SMCHD1: variants seen among roughly 807,000 people sequenced by gnomAD.
SMCHD1 encodes structural maintenance of chromosomes flexible hinge domain-containing protein 1.
Under a neutral mutation model 254.7 loss-of-function variants are expected in SMCHD1, and 78 were observed. The ratio of observed to expected loss-of-function variants is 0.31; its 90% CI spans 0.26 to 0.37. SMCHD1 has a LOEUF of 0.37. Ranked by LOEUF, SMCHD1 falls within the 10% of genes least tolerant of loss-of-function variation. SMCHD1 has a pLI of 1.00. For synonymous variants in SMCHD1, 766 were observed against 794.9 expected (o/e 0.96, Z 0.61); for missense variants, 1,840 against 2,408.1 (o/e 0.76, Z 4.94).
In SMCHD1 at chr18:2,752,472, C is replaced by T. The variant is rs746082747; in HGVS notation, c.4282-16C>T. ...TCATTTTCCCCTCTCCCCTTCTCTC[C>T]TACTCCCCTTTCTAGGCAGAAACAT... On this transcript the variant is annotated splice_polypyrimidine_tract_variant and intron_variant, in intron 33 of 47. Transcript: ENST00000320876. 8.9e-6 allele frequency: 14 copies of T among 1,581,490 alleles called. No individual in the cohort carries two copies. Among genetic ancestry groups the T allele is most frequent in the South Asian group, 4.4e-5 (4 of 90,206 alleles).
At chr18:2,762,765 G>T (rs1025604292) in intron 36 of SMCHD1, among the ~76,000 whole-genome samples, 3 of 152,146 alleles carry the variant, frequency 2.0e-5, no homozygotes, top group East Asian at 3.8e-4. Context: ...TGGGATTACA[G>T]CTGTGAACCA....
At position 2,750,478 on chromosome 18, in the gene SMCHD1, C is replaced by T. The variant is rs769623229; in HGVS notation, c.4136C>T (p.Ala1379Val). Residue 1379 changes from alanine to valine, a missense_variant, in exon 32 of 48, where the codon GCA becomes GTA. Ala to Val is a moderately conservative substitution (Grantham distance 64). This residue lies in a region of SMCHD1 where 881 missense variants were observed against 1,009.5 expected (regional missense o/e 0.87). Transcript: ENST00000320876. The stretch of plus-strand genomic sequence containing the variant: ...CTCAATGTTAAATATGACAAAGATG[C>T]ATCCTTCTTAGCAGGGGGTCTTTTC... The part of the protein sequence containing the change: ...VRLNVKYDKD[A>V]SFLAGGLFTD... 2.0e-5 allele frequency: 32 copies of T among 1,608,270 alleles called. No homozygotes were observed. The Admixed American group carries it at 2.9e-4, about 14-fold the overall frequency.
At chr18:2,761,691 A>G (rs4798026) in intron 35 of SMCHD1, among the ~76,000 whole-genome samples, 45,264 of 151,916 alleles carry the variant, frequency 0.3, 6,945 homozygotes, top group East Asian at 0.5. Flanking sequence ...GTGGGCGCAC[A>G]CCTGTAGTCC....
chr18:2,785,644 T>A (rs2076226403), intron 45 of SMCHD1, among the ~76,000 whole-genome samples: 3 of 5,226 alleles, frequency 5.7e-4, no homozygotes, highest in Non-Finnish European at 2.4e-3. Context: ...AGAGACTCTG[T>A]CTCAAAAAAA....
At chr18:2,794,389 C>T (rs1209469977) in intron 45 of SMCHD1, among the ~76,000 whole-genome samples, 3 of 152,042 alleles carry the variant, frequency 2.0e-5, no homozygotes, top group East Asian at 1.9e-4. Context: ...GCCTGTAATC[C>T]GAGCTATTCA....
In SMCHD1 at chr18:2,750,429, C is replaced by G. The variant is rs367680898; in HGVS notation, c.4087C>G (p.Pro1363Ala). Reference sequence around the variant, plus strand: ...ACCTATAATTAAGTTAATGATTCTTCCAGACCCAGAAAAACCCGTTCGTCT... The same window carrying G: ...ACCTATAATTAAGTTAATGATTCTTGCAGACCCAGAAAAACCCGTTCGTCT... ...EGPIIKLMIL[P>A]DPEKPVRLNV... Residue 1363 changes from proline to alanine, a missense_variant, in exon 32 of 48, where the codon CCA becomes GCA. Around this residue, in one of 9 missense-constraint regions of SMCHD1, gnomAD observed 881 missense variants for 1,009.5 expected, o/e 0.87. Transcript: ENST00000320876. The G allele has an allele frequency of 3.1e-6, 5 of 1,611,824 alleles. No individual in the cohort carries two copies. Among genetic ancestry groups the G allele is most frequent in the Non-Finnish European group, 3.4e-6 (4 of 1,178,734 alleles).
chr18:2,713,049 A>G (rs1376103532), intron 17 of SMCHD1, among the ~76,000 whole-genome samples: 1 of 152,156 alleles, frequency 6.6e-6, no homozygotes, highest in African/African-American at 2.4e-5. Flanking sequence ...GGGGTGACAA[A>G]CTATTTGGAA....
chr18:2,747,026 G>A (rs1428561324), intron 29 of SMCHD1, among the ~76,000 whole-genome samples: 2 of 152,120 alleles, frequency 1.3e-5, no homozygotes, highest in African/African-American at 4.8e-5. Context: ...ATGCACAATA[G>A]CAGAGAGCTG....
At chr18:2,688,859 C>G in intron 7 of SMCHD1, 112 bp downstream of exon 7, 1 of 644,946 alleles carries the variant, frequency 1.6e-6, no homozygotes, top group South Asian at 4.4e-5. Flanking sequence ...TTCCTTTAGT[C>G]ATAATAACAA....
intron 25 of SMCHD1, among the ~76,000 whole-genome samples, chr18:2,734,622 T>C (rs987822669): frequency 6.7e-6 from 1 of 148,826 alleles, no homozygotes; most frequent in Non-Finnish European, 1.5e-5. Context: ...CTTTTATCTT[T>C]TTTGTGGAAC....
Position 2,775,767 on chromosome 18 carries a change from G to C in SMCHD1, c.5209G>C (p.Ala1737Pro), listed in dbSNP as rs2076056547. ...AHLAQIEDDR[A>P]AMVISWHLAS... ...TCTAGCACAAATTGAAGATGATAGAGCTGCGATGGTTATTTCTTGGCATCT... is the reference window on the plus strand; with the variant it reads ...TCTAGCACAAATTGAAGATGATAGACCTGCGATGGTTATTTCTTGGCATCT... Residue 1737 changes from alanine to proline, a missense_variant, in exon 42 of 48, where the codon GCT becomes CCT. Ala to Pro is a conservative substitution (Grantham distance 27, BLOSUM62 -1). Around this residue, in one of 9 missense-constraint regions of SMCHD1, gnomAD observed 114 missense variants for 217.6 expected, o/e 0.52. Transcript: ENST00000320876. 6.2e-7 allele frequency: 1 copy of C among 1,613,216 alleles called. No homozygotes were observed. Among genetic ancestry groups the C allele is most frequent in the Admixed American group, 1.7e-5 (1 of 59,890 alleles).
At chr18:2,792,800 T>C (rs2047412461) in intron 45 of SMCHD1, among the ~76,000 whole-genome samples, 1 of 152,206 alleles carries the variant, frequency 6.6e-6, no homozygotes, top group African/African-American at 2.4e-5. Flanking sequence ...TGACGAAGAT[T>C]AGTTAAGCAC....
chr18:2,802,663 A>T lies in SMCHD1; in HGVS notation c.*111A>T. On this transcript the variant is annotated 3_prime_UTR_variant, in exon 48 of 48. Transcript: ENST00000320876. ...TACCAGACTGAGTATTTCTGGGGAC[A>T]ATACAAGTACCTGGGCATGAATTTC... is the stretch of plus-strand genomic sequence containing the variant. The T allele has an allele frequency of 2.1e-6, 2 of 952,036 alleles. No individual in the cohort carries two copies. Among genetic ancestry groups the T allele is most frequent in the Non-Finnish European group, 1.5e-6 (1 of 653,674 alleles). 59.0% of individuals were successfully genotyped at this position (952,036 alleles called of 1,614,324 possible). A position where few individuals can be genotyped will look rare whatever the true frequency, so the allele number is the denominator to read the frequency against.
rs28762713 is a variant in SMCHD1, at chr18:2,710,239, C to T, written c.2260+2319C>T. ...GAATTTATTTCTGGGCTCCCTGTTC[C>T]CTAGGTCTATATGTCTGTTCATATG... On this transcript the variant is annotated intron_variant, in intron 17 of 47. Coordinates refer to ENST00000320876, the MANE Select transcript of SMCHD1 (RefSeq NM_015295.3). 5.6e-3 allele frequency among the ~76,000 whole-genome samples: 848 copies of T among 152,238 alleles called. 5 individuals are homozygous for T. Among genetic ancestry groups the T allele is most frequent in the African/African-American group, 0.019 (809 of 41,542 alleles).
intron 8 of SMCHD1, among the ~76,000 whole-genome samples, 161 bp from the exon 9 acceptor site, chr18:2,696,871 T>G (rs2074296491): frequency 6.6e-6 from 1 of 152,178 alleles, no homozygotes; most frequent in African/African-American, 2.4e-5. Flanking sequence ...CAGTAATACC[T>G]GCATCTCAAT....
intron 34 of SMCHD1, among the ~76,000 whole-genome samples, chr18:2,754,668 G>A (rs2075638469): frequency 6.6e-6 from 1 of 152,148 alleles, no homozygotes; most frequent in South Asian, 2.1e-4. Context: ...AGTGGTTTAG[G>A]CAATGTGAGC....
chr18:2,674,215 C>A, intron 5 of SMCHD1, 70 bp downstream of exon 5: 1 of 1,280,394 alleles, frequency 7.8e-7, no homozygotes, highest in Non-Finnish European at 1.1e-6. Flanking sequence ...AACTGGTATG[C>A]CTTTGGATGC....
Position 2,666,766 on chromosome 18 carries a change from A to G in SMCHD1, c.263-104A>G, listed in dbSNP as rs1251945877. On this transcript the variant is annotated intron_variant, in intron 2 of 47. Transcript: ENST00000320876. ...AGATGATTGGGGGTTTTTCTTTACC[A>G]TCATTAAAGATATTTCATAGATAGA... The G allele has an allele frequency of 1.6e-5, 15 of 925,618 alleles. No individual in the cohort carries two copies. The South Asian group carries it at 3.2e-4, about 20-fold the overall frequency. The allele number at this position is 925,618 out of a possible 1,614,324, so 57.3% of individuals were successfully genotyped here.
intron 33 of SMCHD1, 119 bp from the exon 34 acceptor site, chr18:2,752,369 T>G: frequency 2.9e-6 from 2 of 695,822 alleles, no homozygotes; most frequent in South Asian, 3.2e-5. Flanking sequence ...ACCTGTATGT[T>G]TATAAATGGA....
Sources: allele counts gnomAD v4.1 joint callset (sites outside exome capture counted in the v4.1 genomes callset), GRCh38; gene constraint gnomAD v4.1.1; regional missense constraint gnomAD v4.1.1; transcripts MANE v1.5; gene names NCBI Gene and HGNC (gene_info 2026-07-23, HGNC 2026-07-21).